HELZ: variants seen among roughly 807,000 people sequenced by gnomAD.
HELZ encodes the protein helicase with zinc finger.
In HELZ, 23 loss-of-function variants were observed where a neutral mutation model predicts 218.2. The ratio of observed to expected loss-of-function variants is 0.11; its 90% CI spans 0.08 to 0.15. HELZ has a LOEUF of 0.15. HELZ is among the 10% of genes least tolerant of loss of function. The pLI, the probability that HELZ is intolerant of heterozygous loss-of-function variation, is 1.00. For synonymous variants in HELZ, 814 were observed against 829.4 expected (o/e 0.98, Z 0.32); for missense variants, 1,813 against 2,353.7 (o/e 0.77, Z 4.75).
intron 32 of HELZ, among the ~76,000 whole-genome samples, chr17:67,083,184 A>G (rs1223592458): frequency 6.6e-6 from 1 of 152,134 alleles, no homozygotes; most frequent in Non-Finnish European, 1.5e-5. Context: ...AATTAAATAA[A>G]TACTTAGAAA....
chr17:67,078,508 C>G lies in HELZ; in HGVS notation c.5573G>C (p.Ser1858Thr). Reference sequence around the variant, plus strand: ...AAACTGGCCAAGATGCTGCAGCACACTGTAGTTGAAGGAACTGGACACCTC... The same window carrying G: ...AAACTGGCCAAGATGCTGCAGCACAGTGTAGTTGAAGGAACTGGACACCTC... ...NLEVSSSFNYSVLQHLGQFPP... is the reference protein window; with the variant it reads ...NLEVSSSFNYTVLQHLGQFPP... Residue 1858 changes from serine (S) to threonine (T), a missense_variant, in exon 33 of 33, where the codon AGT becomes ACT. Coordinates refer to ENST00000358691, the MANE Select transcript of HELZ (RefSeq NM_014877.4). The G allele has an allele frequency of 3.9e-6, 6 of 1,542,276 alleles. No homozygotes were observed. The highest frequency in any genetic ancestry group is 4.4e-6 in the Non-Finnish European group (5 of 1,149,092).
intron 3 of HELZ, among the ~76,000 whole-genome samples, chr17:67,220,126 A>G (rs1452867706): frequency 6.6e-6 from 1 of 151,998 alleles, no homozygotes; most frequent in African/African-American, 2.4e-5. Flanking sequence ...CAGCCTACAT[A>G]TATGTTCTCT....
intron 31 of HELZ, among the ~76,000 whole-genome samples, chr17:67,102,604 T>G (rs182131390): frequency 6.6e-6 from 1 of 152,258 alleles, no homozygotes; most frequent in East Asian, 1.9e-4. Context: ...GTTAAAGAAA[T>G]TATTTTAAAA....
At chr17:67,217,456 T>C (rs1203601982) in intron 4 of HELZ, among the ~76,000 whole-genome samples, 3 of 152,186 alleles carry the variant, frequency 2.0e-5, no homozygotes, top group Non-Finnish European at 4.4e-5. Flanking sequence ...CGCTTATCCC[T>C]TTACAGTTTA....
intron 31 of HELZ, among the ~76,000 whole-genome samples, chr17:67,090,393 T>C (rs1308125507): frequency 2.0e-5 from 3 of 152,160 alleles, no homozygotes; most frequent in African/African-American, 7.2e-5. Flanking sequence ...TTATCTAGTT[T>C]TGGTATCAGA....
intron 23 of HELZ, among the ~76,000 whole-genome samples, chr17:67,134,111 C>T (rs991021816): frequency 2.6e-5 from 4 of 152,276 alleles, no homozygotes; most frequent in South Asian, 2.1e-4. Context: ...CGACTAGGCG[C>T]GGTGGCTCAC....
At chr17:67,128,042 G>A (rs182812390) in intron 24 of HELZ, among the ~76,000 whole-genome samples, 6 of 152,096 alleles carry the variant, frequency 3.9e-5, no homozygotes, top group African/African-American at 1.4e-4. Context: ...TAGCAAATAA[G>A]CCGGCTGTCT....
chr17:67,084,134 AGTT>A (rs1241175766), intron 32 of HELZ, among the ~76,000 whole-genome samples: 2 of 152,218 alleles, frequency 1.3e-5, no homozygotes, highest in Non-Finnish European at 2.9e-5. Context: ...ATAAACAAGA[AGTT>A]GTGCTTCAGG....
chr17:67,203,980 T>C (rs2040234369), intron 5 of HELZ, among the ~76,000 whole-genome samples: 1 of 152,216 alleles, frequency 6.6e-6, no homozygotes, highest in South Asian at 2.1e-4. Context: ...TTTAATCTAA[T>C]ACAATCATGA....
chr17:67,161,052 A>T lies in HELZ; in HGVS notation c.1920T>A (p.Pro640=). The T allele has an allele frequency of 6.2e-7, 1 of 1,611,462 alleles. No homozygotes were observed. Among genetic ancestry groups the T allele is most frequent in the Non-Finnish European group, 8.5e-7 (1 of 1,178,884 alleles). ...PNRQWDEQLD[P]RLNAKQKEAV... Reference sequence around the variant, plus strand: ...CCTCTTTCTGTTTTGCATTTAGTCGAGGATCCAACTGTTCATCCCATTGTC... The same window carrying T: ...CCTCTTTCTGTTTTGCATTTAGTCGTGGATCCAACTGTTCATCCCATTGTC... Residue 640 remains proline, a synonymous_variant, in exon 16 of 33, where the codon CCT becomes CCA. Transcript: ENST00000358691.
At position 67,073,968 on chromosome 17, in the gene HELZ, GGTGTCTTTGTAAGTGATTGGCACCACTAC is replaced by G. The variant is rs1422868300; in HGVS notation, c.*4255_*4283del. 6.6e-6 allele frequency: 1 copy of G among 152,096 alleles called. No individual in the cohort carries two copies. Among genetic ancestry groups the G allele is most frequent in the Non-Finnish European group, 1.5e-5 (1 of 68,012 alleles). The allele number at this position is 152,096 out of a possible 1,614,324, so 9.4% of individuals were successfully genotyped here. A position where few individuals can be genotyped will look rare whatever the true frequency, so the allele number is the denominator to read the frequency against. Reference sequence around the variant, plus strand: ...CCAGTTACTCTTTCAAGATGGAGATGGTGTCTTTGTAAGTGATTGGCACCACTACGTGATATTTTGAACAAGAAATCGTA... The same window carrying G: ...CCAGTTACTCTTTCAAGATGGAGATGGTGATATTTTGAACAAGAAATCGTA... On this transcript the variant is annotated 3_prime_UTR_variant, in exon 33 of 33. Transcript: ENST00000358691.
At chr17:67,182,408 G>A (rs1444417575) in intron 12 of HELZ, among the ~76,000 whole-genome samples, 2 of 152,142 alleles carry the variant, frequency 1.3e-5, no homozygotes, top group Non-Finnish European at 2.9e-5. Context: ...CTGCACCACT[G>A]TATTCTAGCC....
intron 31 of HELZ, among the ~76,000 whole-genome samples, chr17:67,087,664 A>G (rs933280936): frequency 9.2e-5 from 14 of 152,236 alleles, no homozygotes; most frequent in African/African-American, 3.1e-4. Context: ...TCTTTTAGTC[A>G]AACGTCAAAT....
chr17:67,087,623 G>C (rs1037617817), intron 31 of HELZ, among the ~76,000 whole-genome samples: 1 of 152,024 alleles, frequency 6.6e-6, no homozygotes, highest in South Asian at 2.1e-4. Flanking sequence ...CCTGTCCAAC[G>C]TAAGTACTCT....
At chr17:67,172,154 C>T (rs1324382218) in intron 13 of HELZ, among the ~76,000 whole-genome samples, 9 of 152,038 alleles carry the variant, frequency 5.9e-5, no homozygotes, top group Admixed American at 3.9e-4. Context: ...CTAAACCTGA[C>T]AAATCTTACC....
At chr17:67,193,860 T>C in intron 9 of HELZ, 107 bp downstream of exon 9, 1 of 776,086 alleles carries the variant, frequency 1.3e-6, no homozygotes, top group African/African-American at 1.7e-5. Context: ...CCTTTATGGC[T>C]TCTGTTTCAA....
chr17:67,234,860 T>C (rs1300956422), intron 3 of HELZ, among the ~76,000 whole-genome samples: 2 of 152,072 alleles, frequency 1.3e-5, no homozygotes, highest in Admixed American at 1.3e-4. Context: ...GAATGCCCTC[T>C]TCCCTTTGCT....
At chr17:67,161,320 G>A (rs964575882) in intron 15 of HELZ, among the ~76,000 whole-genome samples, 1 of 152,102 alleles carries the variant, frequency 6.6e-6, no homozygotes, top group Non-Finnish European at 1.5e-5. Context: ...AAAGATTTTG[G>A]TAACTAATCT....
Position 67,078,356 on chromosome 17 carries a change from G to T in HELZ, c.5725C>A (p.Pro1909Thr), listed in dbSNP as rs1167310727. 6.2e-7 allele frequency: 1 copy of T among 1,613,768 alleles called. No individual in the cohort carries two copies. Among genetic ancestry groups the T allele is most frequent in the Non-Finnish European group, 8.5e-7 (1 of 1,179,856 alleles). ...ALRAPPKPRP[P>T]PEQAKKSSDP... is the part of the protein sequence containing the mutation. ...CTACTCTTCTTGGCCTGCTCAGGAG[G>T]GGGCCTGGGCTTTGGAGGGGCCCGC... The change falls in exon 33 of 33, where the codon CCT (proline) becomes ACT (threonine). Residue 1909 changes from proline to threonine, a missense_variant. Physicochemically the swap from Pro to Thr is conservative, Grantham distance 38 (BLOSUM62 -1). Transcript: ENST00000358691.
Sources: gnomAD v4.1 joint callset for allele counts (sites outside exome capture counted in the v4.1 genomes callset) on GRCh38, gnomAD v4.1.1 for gene constraint, MANE v1.5 for transcripts, NCBI Gene and HGNC (gene_info 2026-07-23, HGNC 2026-07-21) for gene names.